EPHA4: variants seen among roughly 807,000 people sequenced by gnomAD.
EPHA4 encodes EPH receptor A4.
A neutral mutation model predicts 108.3 loss-of-function variants in EPHA4; 19 were observed. That is an observed-to-expected ratio of 0.18 (90% confidence interval 0.12 to 0.26). The LOEUF is 0.26. Ranked by LOEUF, EPHA4 falls within the 10% of genes least tolerant of loss-of-function variation. EPHA4 has a pLI of 1.00. For synonymous variants in EPHA4, 449 were observed against 455.5 expected, an observed-to-expected ratio of 0.99 and a Z score of 0.18; for missense variants, 917 against 1,254.0, an observed-to-expected ratio of 0.73 and a Z score of 4.06.
rs752213556 is a variant in EPHA4 at position 221,443,449 on chromosome 2, C to T, written c.1888+44G>A. The T allele has an allele frequency of 3.5e-6, 5 of 1,412,026 alleles. No individual in the cohort carries two copies. In the Admixed American group the frequency reaches 6.8e-5, roughly 19 times the overall value. The allele number at this position is 1,412,026 out of a possible 1,614,324, so 87.5% of individuals were successfully genotyped here. A position where few individuals can be genotyped will look rare whatever the true frequency, so the allele number is the denominator to read the frequency against. ...AATCCACACACATATTTAACATCCA[C>T]CAAGAAAACAGACTCATTAGCAGAC... On this transcript the variant is annotated intron_variant, in intron 10 of 17. Coordinates refer to ENST00000281821, the MANE Select transcript of EPHA4 (RefSeq NM_004438.5).
At chr2:221,448,006 CT>C (rs1690649098) in intron 8 of EPHA4, among the ~76,000 whole-genome samples, 1 of 151,862 alleles carries the variant, frequency 6.6e-6, no homozygotes, top group South Asian at 2.1e-4. Flanking sequence ...CCATGCTCGG[CT>C]AATTTTGTAT....
chr2:221,432,363 C>G (rs4322823), intron 14 of EPHA4, among the ~76,000 whole-genome samples: 1 of 152,132 alleles, frequency 6.6e-6, no homozygotes, highest in Non-Finnish European at 1.5e-5. Context: ...GTGAGAGTCT[C>G]TAACCTGAAT....
At chr2:221,424,592 T>C (rs547012409) in intron 17 of EPHA4, among the ~76,000 whole-genome samples, 97 of 152,220 alleles carry the variant, frequency 6.4e-4, no homozygotes, top group Non-Finnish European at 2.2e-4. Context: ...TGAAAGCTAA[T>C]AGGTTTATGG....
intron 8 of EPHA4, among the ~76,000 whole-genome samples, chr2:221,453,014 G>GT (rs1690834069): frequency 6.6e-6 from 1 of 152,128 alleles, no homozygotes; most frequent in Non-Finnish European, 1.5e-5. Context: ...TTACAATGAG[G>GT]TAACTTATTT....
At chr2:221,499,744 ATATATATATATATTTTTT>A (rs1368159813) in intron 4 of EPHA4, among the ~76,000 whole-genome samples, 4 of 56,404 alleles carry the variant, frequency 7.1e-5, no homozygotes, top group African/African-American at 3.8e-4. Flanking sequence ...ATATATATAT[ATATATATATATATTTTTT>A]TTTTTTTTTT....
intron 5 of EPHA4, among the ~76,000 whole-genome samples, chr2:221,478,666 T>C (rs1242266346): frequency 6.6e-6 from 1 of 152,196 alleles, no homozygotes; most frequent in Non-Finnish European, 1.5e-5. Flanking sequence ...GTGACTCATC[T>C]CATTAGAGAA....
intron 4 of EPHA4, among the ~76,000 whole-genome samples, chr2:221,492,003 A>T (rs1379699043): frequency 6.6e-6 from 1 of 151,946 alleles, no homozygotes; most frequent in Non-Finnish European, 1.5e-5. Flanking sequence ...ACTCTGTCTT[A>T]AAAAAAGAAA....
intron 11 of EPHA4, among the ~76,000 whole-genome samples, chr2:221,440,027 C>T (rs1229540937): frequency 6.6e-6 from 1 of 152,114 alleles, no homozygotes; most frequent in African/African-American, 2.4e-5. Context: ...TTGTCAGATC[C>T]TTTATGAGCT....
intron 5 of EPHA4, among the ~76,000 whole-genome samples, chr2:221,460,008 A>G (rs1354972534): frequency 6.6e-6 from 1 of 152,180 alleles, no homozygotes; most frequent in Admixed American, 6.5e-5. Flanking sequence ...AAACTGCTGC[A>G]TATGGGAAAT....
chr2:221,516,351 G>T (rs1294677172), intron 3 of EPHA4, among the ~76,000 whole-genome samples: 10 of 138,368 alleles, frequency 7.2e-5, no homozygotes, highest in Admixed American at 3.7e-4. Flanking sequence ...TAGATTCAAT[G>T]ATTTTTTTTT....
chr2:221,425,915 C>A lies in EPHA4; in HGVS notation c.*113G>T. On this transcript the variant is annotated 3_prime_UTR_variant, in exon 17 of 18. Transcript: ENST00000281821. ...CGCTGCAGATATTGTTTTTTTTTTTCATTTCTTTAATTTCAGAGGGCGAAG... is the reference window on the plus strand; with the variant it reads ...CGCTGCAGATATTGTTTTTTTTTTTAATTTCTTTAATTTCAGAGGGCGAAG... 9 of 774,710 alleles carry A rather than the reference C, an allele frequency of 1.2e-5. No individual in the cohort carries two copies. Among genetic ancestry groups the A allele is most frequent in the Admixed American group, 2.4e-5 (1 of 41,074 alleles). The allele number at this position is 774,710 out of a possible 1,614,324, so 48.0% of individuals were successfully genotyped here.
intron 5 of EPHA4, among the ~76,000 whole-genome samples, chr2:221,471,306 T>G (rs1169850098): frequency 6.6e-6 from 1 of 152,146 alleles, no homozygotes; most frequent in African/African-American, 2.4e-5. Context: ...GGGGCCTCTC[T>G]CATGAACTCA....
At chr2:221,570,377 G>T (rs1694794828) in intron 1 of EPHA4, among the ~76,000 whole-genome samples, 1 of 152,116 alleles carries the variant, frequency 6.6e-6, no homozygotes, top group Admixed American at 6.5e-5. Flanking sequence ...CTACATCTGG[G>T]GCGAGAGAGG....
At chr2:221,528,767 T>C (rs1693416545) in intron 3 of EPHA4, among the ~76,000 whole-genome samples, 1 of 152,142 alleles carries the variant, frequency 6.6e-6, no homozygotes, top group South Asian at 2.1e-4. Context: ...GCCACTTCTA[T>C]ACATTTTTTA....
intron 4 of EPHA4, among the ~76,000 whole-genome samples, chr2:221,497,302 A>C (rs1692327080): frequency 6.6e-6 from 1 of 152,154 alleles, no homozygotes; most frequent in African/African-American, 2.4e-5. Flanking sequence ...GGTGAGGGTA[A>C]ACTCTCTCTG....
intron 5 of EPHA4, among the ~76,000 whole-genome samples, chr2:221,477,880 A>G (rs1691704305): frequency 6.6e-6 from 1 of 152,330 alleles, no homozygotes; most frequent in Middle Eastern, 3.4e-3. Context: ...TAATGCATCA[A>G]ATATTTTAAC....
intron 3 of EPHA4, among the ~76,000 whole-genome samples, chr2:221,560,559 C>A (rs1322487421): frequency 6.6e-6 from 1 of 152,084 alleles, no homozygotes; most frequent in Non-Finnish European, 1.5e-5. Flanking sequence ...GATGGATTTT[C>A]CTTCTACTAT....
chr2:221,438,387 A>G (rs1283667726), intron 11 of EPHA4, among the ~76,000 whole-genome samples: 1 of 152,084 alleles, frequency 6.6e-6, no homozygotes, highest in Non-Finnish European at 1.5e-5. Context: ...GGTGGGAATC[A>G]TGAGGTGTTT....
rs1694122927 is a variant in EPHA4 at position 221,550,421 on chromosome 2, GAGAGA to G, written c.823+13305_823+13309del. ...ACCAAAACCTGATGAGGAAAGGGGA[GAGAGA>G]GAGAGAGAGAGAGAGAGAGAGAGAG... On this transcript the variant is annotated intron_variant, in intron 3 of 17. Transcript: ENST00000281821. Among the ~76,000 whole-genome samples the G allele has an allele frequency of 1.2e-4, 8 of 64,374 alleles. No individual in the cohort carries two copies. The South Asian group carries it at 1.8e-3, about 15-fold the overall frequency. The allele number at this position is 64,374 out of a possible 152,430, so 42.2% of individuals were successfully genotyped here. A position where few individuals can be genotyped will look rare whatever the true frequency, so the allele number is the denominator to read the frequency against.
Sources: gnomAD v4.1 joint callset for allele counts (sites outside exome capture counted in the v4.1 genomes callset) on GRCh38, gnomAD v4.1.1 for gene constraint, MANE v1.5 for transcripts, NCBI Gene and HGNC (gene_info 2026-07-23, HGNC 2026-07-21) for gene names.